SPATA17: variants seen among roughly 807,000 people sequenced by gnomAD.
SPATA17 encodes spermatogenesis-associated protein 17.
A neutral mutation model predicts 62.2 loss-of-function variants in SPATA17; 53 were observed. The ratio of observed to expected loss-of-function variants is 0.85; its 90% CI spans 0.68 to 1.07. The LOEUF (loss-of-function observed/expected upper bound fraction) is 1.07. Ranked by LOEUF, SPATA17 falls within the 50% of genes least tolerant of loss-of-function variation. The probability of loss-of-function intolerance (pLI) is 0.00; values close to 1 mark genes in which losing one functional copy is unlikely to be tolerated. For synonymous variants in SPATA17, 146 were observed against 146.8 expected (o/e 0.99, Z 0.04); for missense variants, 466 against 425.5 (o/e 1.10, Z -0.84).
At chr1:217,710,461 A>G (rs4307613) in intron 5 of SPATA17, among the ~76,000 whole-genome samples, 36,798 of 152,002 alleles carry the variant, frequency 0.24, 4,796 homozygotes, top group African/African-American at 0.32. Context: ...TTTAATGCTT[A>G]AATATAGTTG....
At chr1:217,865,651 A>G (rs944048622) in intron 10 of SPATA17, among the ~76,000 whole-genome samples, 1 of 152,178 alleles carries the variant, frequency 6.6e-6, no homozygotes, top group African/African-American at 2.4e-5. Context: ...AGCTCCATTT[A>G]TCTTTCCAGG....
At chr1:217,657,559 A>G (rs551513110) in intron 3 of SPATA17, among the ~76,000 whole-genome samples, 1 of 152,304 alleles carries the variant, frequency 6.6e-6, no homozygotes, top group African/African-American at 2.4e-5. Context: ...ACTTAGTCCT[A>G]AATTAAGTTT....
chr1:217,682,672 T>C lies in SPATA17; in HGVS notation c.292-586T>C, dbSNP rs150035454. Reference sequence around the variant, plus strand: ...AATGAGGTAATGAGTATTTATGTCATAGGAGTATTCTAAAGATTAAATAAA... The same window carrying C: ...AATGAGGTAATGAGTATTTATGTCACAGGAGTATTCTAAAGATTAAATAAA... On this transcript the variant is annotated intron_variant, in intron 4 of 10. Coordinates refer to ENST00000366933, the MANE Select transcript of SPATA17 (RefSeq NM_138796.4). Among the ~76,000 whole-genome samples, 200 of 152,260 alleles carry C rather than the reference T, an allele frequency of 1.3e-3. 2 individuals are homozygous for C. In the Middle Eastern group the frequency reaches 0.014, roughly 10 times the overall value.
At chr1:217,794,041 G>A (rs1031850876) in intron 8 of SPATA17, among the ~76,000 whole-genome samples, 9 of 151,410 alleles carry the variant, frequency 5.9e-5, no homozygotes, top group Non-Finnish European at 1.2e-4. Flanking sequence ...GCGTGAACCC[G>A]GGAGGCGGAG....
intron 3 of SPATA17, among the ~76,000 whole-genome samples, chr1:217,655,197 C>T (rs1057492333): frequency 3.9e-5 from 6 of 152,100 alleles, no homozygotes; most frequent in Admixed American, 3.3e-4. Context: ...GTTTAGTCAC[C>T]TTTAATCTAG....
intron 6 of SPATA17, among the ~76,000 whole-genome samples, chr1:217,763,705 A>G (rs1245721900): frequency 6.6e-6 from 1 of 152,164 alleles, no homozygotes; most frequent in Non-Finnish European, 1.5e-5. Context: ...TAAAGATATT[A>G]TGGTTGCTTG....
chr1:217,639,120 T>C (rs954623519), intron 1 of SPATA17, among the ~76,000 whole-genome samples: 2 of 152,146 alleles, frequency 1.3e-5, no homozygotes, highest in African/African-American at 4.8e-5. Flanking sequence ...GAGTCCTATA[T>C]AGAATTTCCT....
chr1:217,854,474 G>A (rs1675732681), intron 9 of SPATA17, among the ~76,000 whole-genome samples: 1 of 152,074 alleles, frequency 6.6e-6, no homozygotes, highest in Non-Finnish European at 1.5e-5. Context: ...GAGAAGTCCT[G>A]TATTTCTATT....
intron 9 of SPATA17, among the ~76,000 whole-genome samples, chr1:217,825,281 T>C (rs1048057768): frequency 1.3e-5 from 2 of 151,834 alleles, no homozygotes; most frequent in Non-Finnish European, 2.9e-5. Flanking sequence ...CTGTTCTTTT[T>C]TGTATTCATA....
rs918150669 is a variant in SPATA17 at position 217,760,968 on chromosome 1, T to A, written c.520-13366T>A. Among the ~76,000 whole-genome samples, 18 of 152,120 alleles carry A rather than the reference T, an allele frequency of 1.2e-4. 1 individual carries two copies. Among genetic ancestry groups the A allele is most frequent in the Admixed American group, 1.2e-3 (18 of 15,278 alleles). ...CTTCTATTTTTCTTAGGGCACACAG[T>A]CATTGTTAGTATGCCTAATAAGCCA... On this transcript the variant is annotated intron_variant, in intron 6 of 10. Transcript: ENST00000366933.
At chr1:217,715,030 A>G (rs1399068582) in intron 5 of SPATA17, among the ~76,000 whole-genome samples, 1 of 152,156 alleles carries the variant, frequency 6.6e-6, no homozygotes, top group Non-Finnish European at 1.5e-5. Context: ...AATCCCTTAA[A>G]AGTGCAAGAA....
At chr1:217,823,731 G>A (rs1483836499) in intron 9 of SPATA17, among the ~76,000 whole-genome samples, 1 of 151,890 alleles carries the variant, frequency 6.6e-6, no homozygotes, top group African/African-American at 2.4e-5. Context: ...TGTTGTTATT[G>A]TATTGCAGTG....
chr1:217,742,683 A>G (rs931279217), intron 6 of SPATA17, among the ~76,000 whole-genome samples: 6 of 152,184 alleles, frequency 3.9e-5, no homozygotes, highest in African/African-American at 1.2e-4. Flanking sequence ...AGGAAAGAAT[A>G]CATGTCATGT....
At chr1:217,812,155 A>G (rs1163588594) in intron 9 of SPATA17, among the ~76,000 whole-genome samples, 1 of 152,100 alleles carries the variant, frequency 6.6e-6, no homozygotes, top group African/African-American at 2.4e-5. Context: ...TCTTTCATTC[A>G]CTTATATTAT....
chr1:217,680,744 G>A (rs556790909), intron 4 of SPATA17, among the ~76,000 whole-genome samples: 125 of 151,810 alleles, frequency 8.2e-4, no homozygotes, highest in Non-Finnish European at 1.6e-3. Context: ...GGCCAACATG[G>A]TGAAACCCTG....
At chr1:217,782,562 A>G (rs1673755628) in intron 8 of SPATA17, among the ~76,000 whole-genome samples, 1 of 152,132 alleles carries the variant, frequency 6.6e-6, no homozygotes, top group African/African-American at 2.4e-5. Flanking sequence ...TTGAGGATAA[A>G]TGATCACTAT....
At chr1:217,669,278 A>C (rs576712286) in intron 4 of SPATA17, among the ~76,000 whole-genome samples, 195 bp downstream of exon 4, 1 of 152,210 alleles carries the variant, frequency 6.6e-6, no homozygotes, top group Admixed American at 6.5e-5. Flanking sequence ...AATGTAAAAC[A>C]TGTAATTATA....
intron 9 of SPATA17, among the ~76,000 whole-genome samples, chr1:217,856,990 C>T (rs1282555700): frequency 1.3e-5 from 2 of 152,136 alleles, no homozygotes; most frequent in African/African-American, 2.4e-5. Flanking sequence ...AGTATTTATA[C>T]GTAGCGAGAA....
At chr1:217,836,090 G>T (rs1675253428) in intron 9 of SPATA17, among the ~76,000 whole-genome samples, 1 of 152,096 alleles carries the variant, frequency 6.6e-6, no homozygotes, top group Admixed American at 6.6e-5. Context: ...AGGAGGTTGA[G>T]TGCTAACTCT....
Sources: allele counts gnomAD v4.1 joint callset (sites outside exome capture counted in the v4.1 genomes callset), GRCh38; gene constraint gnomAD v4.1.1; transcripts MANE v1.5; gene names NCBI Gene and HGNC (gene_info 2026-07-23, HGNC 2026-07-21).